The following CD247 variants were observed in gnomAD, a reference collection of about 807,000 sequenced individuals.
CD247 encodes T-cell surface glycoprotein CD3 zeta chain.
A neutral mutation model predicts 30.0 loss-of-function variants in CD247; 13 were observed. The ratio of observed to expected loss-of-function variants is 0.43; its 90% CI spans 0.28 to 0.69. CD247 has a LOEUF of 0.69. Among genes scored for constraint, CD247 ranks in the 30% least tolerant of loss-of-function variants. The probability of loss-of-function intolerance (pLI) is 0.16; values close to 1 mark genes in which losing one functional copy is unlikely to be tolerated. For synonymous variants in CD247, 72 were observed against 80.0 expected (o/e 0.90, Z 0.53); for missense variants, 193 against 212.6 (o/e 0.91, Z 0.57).
rs75734227 is a variant in CD247 at position 167,471,648 on chromosome 1, G to A, written c.59-30881C>T. Among the ~76,000 whole-genome samples the A allele has an allele frequency of 3.2e-3, 484 of 152,032 alleles. 4 individuals carry two copies. The highest frequency in any genetic ancestry group is 0.01 in the African/African-American group (433 of 41,466). ...ATGGGGGTCTCATTCTGTCTCTCAC[G>A]CTGGAGTCCAGTGGTATGTTCCTAG... On this transcript the variant is annotated intron_variant, in intron 1 of 7. Transcript: ENST00000362089.
intron 1 of CD247, among the ~76,000 whole-genome samples, chr1:167,489,860 A>C (rs894699730): frequency 6.6e-6 from 1 of 152,144 alleles, no homozygotes; most frequent in Non-Finnish European, 1.5e-5. Context: ...CTTCAAAAGC[A>C]GTTTTTAAAA....
chr1:167,439,471 G>T, intron 2 of CD247, 71 bp from the exon 3 acceptor site: 1 of 1,407,860 alleles, frequency 7.1e-7, no homozygotes, highest in Non-Finnish European at 1.0e-6. Context: ...GCCAGGGCGC[G>T]CGGCGACCCG....
At chr1:167,437,354 G>A (rs1040233190) in intron 4 of CD247, among the ~76,000 whole-genome samples, 5 of 151,624 alleles carry the variant, frequency 3.3e-5, no homozygotes, top group South Asian at 2.1e-4. Context: ...GTGGTGAGCC[G>A]AGACTGTGCC....
intron 1 of CD247, among the ~76,000 whole-genome samples, chr1:167,453,825 T>C (rs1381629288): frequency 6.6e-6 from 1 of 152,094 alleles, no homozygotes; most frequent in Non-Finnish European, 1.5e-5. Context: ...CTGGGTGTGG[T>C]GGCACACACC....
chr1:167,510,132 T>G (rs1655326956), intron 1 of CD247, among the ~76,000 whole-genome samples: 1 of 152,172 alleles, frequency 6.6e-6, no homozygotes, highest in African/African-American at 2.4e-5. Context: ...CTTCCTTCTA[T>G]GGAGCTGTCC....
intron 1 of CD247, among the ~76,000 whole-genome samples, chr1:167,479,028 G>T (rs978113237): frequency 6.6e-6 from 1 of 152,052 alleles, no homozygotes; most frequent in South Asian, 2.1e-4. Context: ...TTTTTATTTT[G>T]CTCTCTATTT....
At position 167,438,619 on chromosome 1, in the gene CD247, T is replaced by C. The variant is rs181746205; in HGVS notation, c.251A>G (p.Asp84Gly). The C allele has an allele frequency of 2.0e-4, 315 of 1,614,070 alleles. No homozygotes were observed. In the East Asian group the frequency reaches 6.9e-3, roughly 35 times the overall value. Reference sequence around the variant, plus strand: ...CCGGCCACGTCTCTTGTCCAAAACATCGTACTCCTCTCTTCGTCCTAGATT... The same window carrying C: ...CCGGCCACGTCTCTTGTCCAAAACACCGTACTCCTCTCTTCGTCCTAGATT... ...ELNLGRREEY[D>G]VLDKRRGRDP... is the part of the protein sequence containing the mutation. The change falls in exon 4 of 8, where the codon GAT (aspartate) becomes GGT (glycine). Residue 84 changes from aspartate (D) to glycine (G), a missense_variant. By Grantham distance (94) the Asp-to-Gly change is moderately conservative. Transcript: ENST00000362089.
At chr1:167,495,348 G>A (rs184449034) in intron 1 of CD247, among the ~76,000 whole-genome samples, 122 of 152,290 alleles carry the variant, frequency 8.0e-4, no homozygotes, top group African/African-American at 2.8e-3. Flanking sequence ...CAGAGCTTGG[G>A]ACTGGGTAAA....
chr1:167,466,984 C>T (rs1347667319), intron 1 of CD247, among the ~76,000 whole-genome samples: 2 of 152,172 alleles, frequency 1.3e-5, no homozygotes, highest in African/African-American at 2.4e-5. Flanking sequence ...GGACTACAGG[C>T]GCCCGCCACC....
At chr1:167,506,892 A>ATTTTTTTT (rs10587631) in intron 1 of CD247, among the ~76,000 whole-genome samples, 2 of 97,994 alleles carry the variant, frequency 2.0e-5, no homozygotes, top group African/African-American at 8.5e-5. Flanking sequence ...GTTCCCTCTG[A>ATTTTTTTT]TTTTTTTTTT....
At chr1:167,497,165 G>C (rs1290787586) in intron 1 of CD247, among the ~76,000 whole-genome samples, 1 of 152,178 alleles carries the variant, frequency 6.6e-6, no homozygotes. Flanking sequence ...GTTCATGACA[G>C]GGAGAGATGA....
Position 167,494,875 on chromosome 1 carries a change from TTACTC to T in CD247, c.58+23528_58+23532del, listed in dbSNP as rs926855764. Among the ~76,000 whole-genome samples the T allele has an allele frequency of 1.2e-4, 18 of 152,128 alleles. No homozygotes were observed. Among genetic ancestry groups the T allele is most frequent in the African/African-American group, 3.9e-4 (16 of 41,428 alleles). ...AGGGTTAGAGACCTATTCCAGGACTTTACTCTACAGCAAAGCAGTCCGGGTTCCAG... is the reference window on the plus strand; with the variant it reads ...AGGGTTAGAGACCTATTCCAGGACTTTACAGCAAAGCAGTCCGGGTTCCAG... On this transcript the variant is annotated intron_variant, in intron 1 of 7. Coordinates refer to ENST00000362089, the MANE Select transcript of CD247 (RefSeq NM_198053.3). The surrounding 1 kb of genome is among the most constrained non-coding windows in gnomAD (Gnocchi z 7.3).
intron 1 of CD247, among the ~76,000 whole-genome samples, chr1:167,508,396 G>A (rs2102113796): frequency 6.6e-6 from 1 of 152,356 alleles, no homozygotes; most frequent in African/African-American, 2.4e-5. Context: ...CACAGGCCAG[G>A]TCAGCAGGGA....
intron 1 of CD247, among the ~76,000 whole-genome samples, chr1:167,491,897 T>C (rs1654466171): frequency 6.6e-6 from 1 of 152,216 alleles, no homozygotes; most frequent in African/African-American, 2.4e-5. Context: ...TGATTTCACT[T>C]ATATGAGTTA....
intron 1 of CD247, among the ~76,000 whole-genome samples, chr1:167,455,493 T>C (rs1248121537): frequency 1.3e-5 from 2 of 152,134 alleles, no homozygotes; most frequent in Non-Finnish European, 2.9e-5. Context: ...GCAGCCAAGG[T>C]GGGCTCCCAG....
At chr1:167,470,185 A>G (rs528250939) in intron 1 of CD247, among the ~76,000 whole-genome samples, 1 of 152,260 alleles carries the variant, frequency 6.6e-6, no homozygotes, top group East Asian at 1.9e-4. Context: ...AAGTGGTGGG[A>G]TTACAGGCAT....
At chr1:167,456,780 C>A (rs1469654719) in intron 1 of CD247, among the ~76,000 whole-genome samples, 1 of 152,216 alleles carries the variant, frequency 6.6e-6, no homozygotes, top group Non-Finnish European at 1.5e-5. Context: ...AGACACAGAA[C>A]CCAACAGGGA....
chr1:167,483,585 G>A (rs1654066135), intron 1 of CD247, among the ~76,000 whole-genome samples: 1 of 152,098 alleles, frequency 6.6e-6, no homozygotes, highest in South Asian at 2.1e-4. Context: ...TCAGAAAATA[G>A]GCCACACTCT....
chr1:167,499,342 C>T (rs1654815539), intron 1 of CD247, among the ~76,000 whole-genome samples: 1 of 152,160 alleles, frequency 6.6e-6, no homozygotes, highest in South Asian at 2.1e-4. Context: ...AACCCTGCTC[C>T]AAGCATTCGA....
Sources: gnomAD v4.1 joint callset for allele counts (sites outside exome capture counted in the v4.1 genomes callset) on GRCh38, gnomAD v4.1.1 for gene constraint, Gnocchi (gnomAD v3.1) non-coding constraint, MANE v1.5 for transcripts, NCBI Gene and HGNC (gene_info 2026-07-23, HGNC 2026-07-21) for gene names.